Variants in GOLM1 observed in about 807,000 individuals in gnomAD.
GOLM1 encodes the protein epididymis luminal protein 46.
A neutral mutation model predicts 50.5 loss-of-function variants in GOLM1; 31 were observed. The observed-to-expected ratio is 0.61, with a 90% CI of 0.46 to 0.83. The LOEUF (loss-of-function observed/expected upper bound fraction) is 0.83. Among genes scored for constraint, GOLM1 ranks in the 40% least tolerant of loss-of-function variants. The pLI is 0.00. For synonymous variants in GOLM1, 178 were observed against 192.8 expected, an observed-to-expected ratio of 0.92 and a Z score of 0.64; for missense variants, 491 against 501.3, an observed-to-expected ratio of 0.98 and a Z score of 0.20.
chr9:86,080,811 G>A (rs1834758925), intron 1 of GOLM1, among the ~76,000 whole-genome samples: 1 of 140,738 alleles, frequency 7.1e-6, no homozygotes, highest in Admixed American at 7.6e-5. Flanking sequence ...ATTATCAGCT[G>A]ATATCAGCAA....
intron 1 of GOLM1, among the ~76,000 whole-genome samples, chr9:86,088,420 GTATATATATATATATATA>G (rs71505775): frequency 0.014 from 1,216 of 86,296 alleles, 96 homozygotes; most frequent in African/African-American, 0.058. Flanking sequence ...TTTGAAGGGT[GTATATATATATATATATA>G]TATATATATA....
At chr9:86,034,162 A>AC (rs1833067036) in intron 8 of GOLM1, among the ~76,000 whole-genome samples, 1 of 151,990 alleles carries the variant, frequency 6.6e-6, no homozygotes, top group Admixed American at 6.6e-5. Context: ...ATGGGGTTTC[A>AC]CCATATTGGC....
chr9:86,026,809 A>G lies in GOLM1; in HGVS notation c.*1008T>C, dbSNP rs1832799619. ...TTAAAATCAGTTTTGTGAGTCATTT[A>G]CCACAAGCTAAATGTGTACACTATG... is the stretch of plus-strand genomic sequence containing the variant. On this transcript the variant is annotated 3_prime_UTR_variant, in exon 10 of 10. Coordinates refer to ENST00000388712, the MANE Select transcript of GOLM1 (RefSeq NM_016548.4). 1.0e-6 allele frequency: 1 copy of G among 977,984 alleles called. No individual in the cohort carries two copies. Among genetic ancestry groups the G allele is most frequent in the African/African-American group, 1.8e-5 (1 of 57,116 alleles). The allele number at this position is 977,984 out of a possible 1,614,324, so 60.6% of individuals were successfully genotyped here.
intron 3 of GOLM1, among the ~76,000 whole-genome samples, chr9:86,065,112 G>A (rs572482766): frequency 6.6e-6 from 1 of 152,282 alleles, no homozygotes; most frequent in Admixed American, 6.5e-5. Flanking sequence ...TAGTGCCTGA[G>A]AGCCACCCCA....
intron 3 of GOLM1, among the ~76,000 whole-genome samples, chr9:86,071,242 C>A (rs1193947817): frequency 6.6e-6 from 1 of 152,138 alleles, no homozygotes; most frequent in Non-Finnish European, 1.5e-5. Context: ...GGACTACAGG[C>A]ATGCAACAAC....
At chr9:86,059,167 A>C (rs895123353) in intron 3 of GOLM1, among the ~76,000 whole-genome samples, 2 of 152,176 alleles carry the variant, frequency 1.3e-5, no homozygotes, top group African/African-American at 4.8e-5. Flanking sequence ...CAGAGCTACC[A>C]TATGACCCAA....
At chr9:86,034,034 G>A (rs1026969883) in intron 8 of GOLM1, among the ~76,000 whole-genome samples, 11 of 149,610 alleles carry the variant, frequency 7.4e-5, no homozygotes, top group African/African-American at 2.0e-4. Context: ...GCGTAATCTC[G>A]GCTCACTGCA....
At chr9:86,034,921 TTCTCA>T (rs1303663095) in intron 8 of GOLM1, 1 of 767,638 alleles carries the variant, frequency 1.3e-6, no homozygotes, top group Non-Finnish European at 1.6e-6. Context: ...ATGTCATTTT[TTCTCA>T]ATGTTCACAT....
Position 86,040,869 on chromosome 9 carries a change from C to A in GOLM1, c.468-1G>T, listed in dbSNP as rs1432892582. 1 of 1,613,334 alleles carries A rather than the reference C, an allele frequency of 6.2e-7. No homozygotes were observed. The highest frequency in any genetic ancestry group is 2.2e-5 in the East Asian group (1 of 44,862). Reference sequence around the variant, plus strand: ...CTTCATCTGATTGATGCACTGGCTCCTTTGGTGAAAGAAAGCAAAGGAAGG... The same window carrying A: ...CTTCATCTGATTGATGCACTGGCTCATTTGGTGAAAGAAAGCAAAGGAAGG... On this transcript the variant is annotated splice_acceptor_variant, in intron 5 of 9. Transcript: ENST00000388712. LOFTEE classifies it high-confidence loss of function.
Position 86,026,918 on chromosome 9 carries a change from G to GTTTTC in GOLM1, c.*894_*898dup, listed in dbSNP as rs1832804226. 1.0e-6 allele frequency: 1 copy of GTTTTC among 984,790 alleles called. No individual in the cohort carries two copies. Among genetic ancestry groups the GTTTTC allele is most frequent in the African/African-American group, 1.7e-5 (1 of 57,298 alleles). The allele number at this position is 984,790 out of a possible 1,614,324, so 61.0% of individuals were successfully genotyped here. On this transcript the variant is annotated 3_prime_UTR_variant, in exon 10 of 10. Coordinates refer to ENST00000388712, the MANE Select transcript of GOLM1 (RefSeq NM_016548.4). ...ATATCCTTCGACATCAATGAACTTTGTTTTCTTTTACTCCAGTAATAAAGT... is the reference window on the plus strand; with the variant it reads ...ATATCCTTCGACATCAATGAACTTTGTTTTCTTTTCTTTTACTCCAGTAATAAAGT...
chr9:86,044,914 T>G (rs546381054), intron 5 of GOLM1, among the ~76,000 whole-genome samples: 188 of 151,386 alleles, frequency 1.2e-3, no homozygotes, highest in Non-Finnish European at 2.2e-3. Flanking sequence ...ATCGTACCAC[T>G]GCACTCTAGC....
Position 86,027,809 on chromosome 9 carries a change from A to T in GOLM1, c.*8T>A. On this transcript the variant is annotated 3_prime_UTR_variant, in exon 10 of 10. Coordinates refer to ENST00000388712, the MANE Select transcript of GOLM1 (RefSeq NM_016548.4). The stretch of plus-strand genomic sequence containing the variant: ...GCCCTGTTGTGAAATATGTGATTCC[A>T]GTTCAATTCAGAGTGTATGATTCCG... 6.2e-7 allele frequency: 1 copy of T among 1,612,004 alleles called. No individual in the cohort carries two copies. Among genetic ancestry groups the T allele is most frequent in the Non-Finnish European group, 8.5e-7 (1 of 1,178,694 alleles).
intron 3 of GOLM1, among the ~76,000 whole-genome samples, chr9:86,061,845 G>C (rs1490054971): frequency 6.6e-6 from 1 of 152,174 alleles, no homozygotes; most frequent in East Asian, 1.9e-4. Flanking sequence ...TTAGGGGATA[G>C]AGTCAAATGT....
chr9:86,032,082 G>T (rs1022065514), intron 9 of GOLM1, among the ~76,000 whole-genome samples: 1 of 152,010 alleles, frequency 6.6e-6, no homozygotes, highest in Non-Finnish European at 1.5e-5. Context: ...AGAAAACAGA[G>T]ACCAGGCGAA....
intron 1 of GOLM1, among the ~76,000 whole-genome samples, chr9:86,090,811 A>C (rs1039620500): frequency 2.7e-5 from 4 of 148,864 alleles, no homozygotes; most frequent in South Asian, 2.1e-4. Flanking sequence ...AAAAAAAAAA[A>C]AAACTCCTGC....
chr9:86,040,982 T>C lies in GOLM1; in HGVS notation c.468-114A>G, dbSNP rs1833326718. On this transcript the variant is annotated intron_variant, in intron 5 of 9. Coordinates refer to ENST00000388712, the MANE Select transcript of GOLM1 (RefSeq NM_016548.4). ...CCCTCTTCCTGCTTCAGGCACTTCATCTGAAGAGGGCACTTAAGACAGGGC... is the reference window on the plus strand; with the variant it reads ...CCCTCTTCCTGCTTCAGGCACTTCACCTGAAGAGGGCACTTAAGACAGGGC... 5 of 964,194 alleles carry C rather than the reference T, an allele frequency of 5.2e-6. No individual in the cohort carries two copies. In the South Asian group the frequency reaches 8.0e-5, roughly 15 times the overall value. 59.7% of individuals were successfully genotyped at this position (964,194 alleles called of 1,614,324 possible). A position where few individuals can be genotyped will look rare whatever the true frequency, so the allele number is the denominator to read the frequency against.
At chr9:86,029,953 T>G (rs964959475) in intron 9 of GOLM1, among the ~76,000 whole-genome samples, 1 of 152,200 alleles carries the variant, frequency 6.6e-6, no homozygotes, top group Non-Finnish European at 1.5e-5. Context: ...GGCTCACACC[T>G]GTAATCCCAA....
chr9:86,048,184 C>T (rs1026466514), intron 4 of GOLM1, among the ~76,000 whole-genome samples: 3 of 152,044 alleles, frequency 2.0e-5, no homozygotes, highest in Non-Finnish European at 1.5e-5. Context: ...TCATCTATGT[C>T]CCTACAAAGG....
intron 3 of GOLM1, 122 bp from the exon 4 acceptor site, chr9:86,052,713 C>G (rs11794444): frequency 2.5e-6 from 2 of 810,308 alleles, no homozygotes; most frequent in Non-Finnish European, 4.3e-6. Context: ...GGAAGGAGCT[C>G]GCACTCAGCG....
Sources: gnomAD v4.1 joint callset for allele counts (sites outside exome capture counted in the v4.1 genomes callset) on GRCh38, gnomAD v4.1.1 for gene constraint, MANE v1.5 for transcripts, NCBI Gene and HGNC (gene_info 2026-07-23, HGNC 2026-07-21) for gene names.